Variants in UBE2E2 observed in about 807,000 individuals in gnomAD.
The protein encoded by UBE2E2 is ubiquitin conjugating enzyme E2 E2.
A neutral mutation model predicts 24.7 loss-of-function variants in UBE2E2; 6 were observed. That is an observed-to-expected ratio of 0.24 (90% confidence interval 0.13 to 0.48). The LOEUF (loss-of-function observed/expected upper bound fraction) is 0.48. UBE2E2 is among the 20% of genes least tolerant of loss of function. UBE2E2 has a pLI of 0.99. For synonymous variants in UBE2E2, 104 were observed against 83.6 expected (o/e 1.24, Z -1.33); for missense variants, 169 against 245.0 (o/e 0.69, Z 2.07).
chr3:23,383,487 G>GT (rs1696728857), intron 3 of UBE2E2, among the ~76,000 whole-genome samples: 2 of 149,758 alleles, frequency 1.3e-5, no homozygotes, highest in Non-Finnish European at 3.0e-5. Context: ...TTTTTTTTCT[G>GT]TTTAACTGGT....
At chr3:23,451,645 C>T (rs771528923) in intron 3 of UBE2E2, among the ~76,000 whole-genome samples, 14 of 152,202 alleles carry the variant, frequency 9.2e-5, no homozygotes, top group Non-Finnish European at 1.5e-4. Flanking sequence ...AAGCTAATAT[C>T]CTGGTAATAA....
Position 23,407,775 on chromosome 3 carries a change from C to G in UBE2E2, c.228-91833C>G, listed in dbSNP as rs577671548. 1.5e-3 allele frequency among the ~76,000 whole-genome samples: 227 copies of G among 151,978 alleles called. No individual in the cohort carries two copies. Among genetic ancestry groups the G allele is most frequent in the African/African-American group, 5.1e-3 (213 of 41,454 alleles). On this transcript the variant is annotated intron_variant, in intron 3 of 5. Transcript: ENST00000396703. This position sits in a 1 kb window ranked among gnomAD's most constrained non-coding sequence, Gnocchi z 4.0. ...CAAATAAAACCTAAAACTTTGAGGT[C>G]TGTTACCTCTGCCTCTGCTTACCCT...
chr3:23,515,174 GATAC>G (rs985814368), intron 4 of UBE2E2, among the ~76,000 whole-genome samples: 22 of 151,488 alleles, frequency 1.5e-4, no homozygotes, highest in African/African-American at 2.4e-4. Context: ...TAGAGAGAGA[GATAC>G]ATACATATGT....
chr3:23,389,592 T>C, intron 3 of UBE2E2: 2 of 254,996 alleles, frequency 7.8e-6, no homozygotes, highest in South Asian at 1.7e-4. Flanking sequence ...TTAGCTCTCA[T>C]CTTCAAGTTC....
chr3:23,262,793 G>A (rs969927296), intron 3 of UBE2E2, among the ~76,000 whole-genome samples: 15 of 151,900 alleles, frequency 9.9e-5, no homozygotes, highest in African/African-American at 3.4e-4. Flanking sequence ...TTTTGCTTTT[G>A]TTGCACATGC....
chr3:23,329,224 A>G (rs1490625363), intron 3 of UBE2E2, among the ~76,000 whole-genome samples: 2 of 152,162 alleles, frequency 1.3e-5, no homozygotes, highest in Non-Finnish European at 2.9e-5. Context: ...GGCAAACCAA[A>G]TAGGCAAATA....
intron 3 of UBE2E2, among the ~76,000 whole-genome samples, chr3:23,434,051 A>AG (rs1698128060): frequency 6.6e-6 from 1 of 152,194 alleles, no homozygotes; most frequent in East Asian, 1.9e-4. Flanking sequence ...GCTAATATGC[A>AG]CTGTCTGAAG....
At chr3:23,447,004 T>C (rs144175713) in intron 3 of UBE2E2, among the ~76,000 whole-genome samples, 1,529 of 152,302 alleles carry the variant, frequency 0.01, 13 homozygotes, top group Non-Finnish European at 0.015. Context: ...CCTTACATGC[T>C]GTTTCCTCTG....
At chr3:23,324,892 A>G (rs957667773) in intron 3 of UBE2E2, among the ~76,000 whole-genome samples, 1 of 152,244 alleles carries the variant, frequency 6.6e-6, no homozygotes, top group Admixed American at 6.5e-5. Flanking sequence ...AATTGGGTTC[A>G]GTTGTGAATT....
intron 3 of UBE2E2, among the ~76,000 whole-genome samples, chr3:23,328,650 A>ATC (rs758980716): frequency 6.4e-4 from 90 of 141,500 alleles, no homozygotes; most frequent in Middle Eastern, 7.4e-3. Flanking sequence ...AAATGCCGTA[A>ATC]TCTCTCTCTC....
intron 3 of UBE2E2, among the ~76,000 whole-genome samples, chr3:23,438,412 C>G (rs1010977832): frequency 2.1e-4 from 32 of 152,278 alleles, no homozygotes; most frequent in African/African-American, 7.7e-4. Flanking sequence ...AGAAATAGTA[C>G]TCAAAATTAG....
intron 3 of UBE2E2, among the ~76,000 whole-genome samples, chr3:23,232,246 T>C (rs1315586817): frequency 6.6e-6 from 1 of 152,198 alleles, no homozygotes; most frequent in Non-Finnish European, 1.5e-5. Flanking sequence ...ACTTTGTACA[T>C]TCCAAGGATT....
At chr3:23,258,519 C>G (rs2125352034) in intron 3 of UBE2E2, among the ~76,000 whole-genome samples, 1 of 152,190 alleles carries the variant, frequency 6.6e-6, no homozygotes, top group African/African-American at 2.4e-5. Flanking sequence ...ATAACAACGA[C>G]AGTAAAATGA....
intron 3 of UBE2E2, among the ~76,000 whole-genome samples, chr3:23,357,245 G>C (rs1044368219): frequency 6.6e-6 from 1 of 152,150 alleles, no homozygotes; most frequent in Non-Finnish European, 1.5e-5. Context: ...GGTTTTTGTG[G>C]TGATTATTGA....
At chr3:23,542,270 C>T (rs905102631) in intron 5 of UBE2E2, among the ~76,000 whole-genome samples, 7 of 152,036 alleles carry the variant, frequency 4.6e-5, no homozygotes, top group South Asian at 4.1e-4. Context: ...TCTGTATCTG[C>T]GGGTAATGCA....
chr3:23,448,264 AGG>A (rs1177287318), intron 3 of UBE2E2, among the ~76,000 whole-genome samples: 1 of 152,198 alleles, frequency 6.6e-6, no homozygotes, highest in African/African-American at 2.4e-5. Flanking sequence ...CTAGGAACTT[AGG>A]TCAACTCCTG....
chr3:23,586,926 A>G (rs1276604589), intron 5 of UBE2E2, among the ~76,000 whole-genome samples: 6 of 149,300 alleles, frequency 4.0e-5, no homozygotes, highest in Non-Finnish European at 7.4e-5. Flanking sequence ...TTTTTACATC[A>G]TGTGATTAGA....
intron 5 of UBE2E2, among the ~76,000 whole-genome samples, chr3:23,554,624 C>T (rs937346023): frequency 1.3e-5 from 2 of 152,136 alleles, no homozygotes; most frequent in African/African-American, 4.8e-5. Context: ...TAAAACTCCT[C>T]GAAGAAAACG....
At chr3:23,326,318 G>A (rs1694889246) in intron 3 of UBE2E2, among the ~76,000 whole-genome samples, 1 of 152,156 alleles carries the variant, frequency 6.6e-6, no homozygotes, top group East Asian at 1.9e-4. Context: ...TGATCTGCCT[G>A]CCTTGGCCTC....
Sources: allele counts gnomAD v4.1 joint callset (sites outside exome capture counted in the v4.1 genomes callset), GRCh38; gene constraint gnomAD v4.1.1; non-coding constraint Gnocchi (gnomAD v3.1); transcripts MANE v1.5; gene names NCBI Gene and HGNC (gene_info 2026-07-23, HGNC 2026-07-21).